STXBP2: variants seen among roughly 807,000 people sequenced by gnomAD.
STXBP2 encodes the protein syntaxin binding protein 2, also known as syntaxin-binding protein 2.
STXBP2 carries 47 observed loss-of-function variants against 72.2 expected under a neutral mutation model. The ratio of observed to expected loss-of-function variants is 0.65; its 90% CI spans 0.51 to 0.83. STXBP2 has a LOEUF of 0.83. STXBP2 is among the 40% of genes least tolerant of loss of function. STXBP2 has a pLI of 0.00. For synonymous variants in STXBP2, 367 were observed against 338.7 expected, an observed-to-expected ratio of 1.08 and a Z score of -0.92; for missense variants, 702 against 807.6, an observed-to-expected ratio of 0.87 and a Z score of 1.58.
At position 7,641,648 on chromosome 19, in the gene STXBP2, G is replaced by C. The variant is rs544584129; in HGVS notation, c.430-57G>C. On this transcript the variant is annotated intron_variant, in intron 6 of 18. Transcript: ENST00000221283. ...GGTGCAGGTGGCGGCAGCGGGAAGC[G>C]GGGCAGGTGTGCACCTGCAGCGGCA... The C allele has an allele frequency of 1.8e-4, 282 of 1,548,658 alleles. 1 individual carries two copies. In the African/African-American group the frequency reaches 3.5e-3, roughly 19 times the overall value.
intron 6 of STXBP2, 107 bp downstream of exon 6, chr19:7,641,110 A>G: frequency 8.3e-7 from 1 of 1,201,818 alleles, no homozygotes; most frequent in Non-Finnish European, 1.2e-6. Context: ...CATACCTGTA[A>G]TCCCAGCGCT....
At chr19:7,631,402 G>GC in the STXBP2 span, 1 of 1,110,782 alleles carries the variant, frequency 9.0e-7, no homozygotes, top group African/African-American at 1.6e-5. Flanking sequence ...AGGTGGGCGG[G>GC]GGGGGGTGGT....
chr19:7,640,381 TCA>T (rs1162340494), intron 4 of STXBP2: 7 of 582,030 alleles, frequency 1.2e-5, no homozygotes, highest in Admixed American at 4.7e-5. Flanking sequence ...TGTGTGCGCA[TCA>T]GTGTCTGCAT....
rs754563534 is a variant in STXBP2 at position 7,639,870 on chromosome 19, ATGTC to A, written c.246+66_246+69del. On this transcript the variant is annotated intron_variant, in intron 4 of 18. Coordinates refer to ENST00000221283, the MANE Select transcript of STXBP2 (RefSeq NM_006949.4). ...TGCGTGTACATGTGCATGTGTGTGT[ATGTC>A]TGCATGCATGTGATTGCATGTGTGC... The A allele has an allele frequency of 2.3e-4, 353 of 1,521,880 alleles. 1 individual carries two copies. The highest frequency in any genetic ancestry group is 2.6e-4 in the Non-Finnish European group (293 of 1,118,672). The allele number at this position is 1,521,880 out of a possible 1,614,324, so 94.3% of individuals were successfully genotyped here.
intron 4 of STXBP2, 119 bp from the exon 5 acceptor site, chr19:7,640,612 C>A: frequency 7.5e-7 from 1 of 1,324,842 alleles, no homozygotes; most frequent in East Asian, 2.4e-5. Flanking sequence ...TGCACATATA[C>A]ATGTCCCCGT....
rs1394985748 is a variant in STXBP2 at position 7,646,437 on chromosome 19, G to A, written c.1452+93G>A. 7 of 1,192,454 alleles carry A rather than the reference G, an allele frequency of 5.9e-6. No homozygotes were observed. The African/African-American group carries it at 1.1e-4, about 18-fold the overall frequency. The allele number at this position is 1,192,454 out of a possible 1,614,324, so 73.9% of individuals were successfully genotyped here. ...CTGAGGTGCTAAGCCTCAGGGCTTA[G>A]GGGAAAATGCTCATTGCTGGCATTC... On this transcript the variant is annotated intron_variant, in intron 16 of 18. Transcript: ENST00000221283.
upstream of STXBP2, chr19:7,632,637 A>G (rs551692408): frequency 6.3e-5 from 99 of 1,570,170 alleles, no homozygotes; most frequent in African/African-American, 1.2e-3. This position sits in a 1 kb window ranked among gnomAD's most constrained non-coding sequence, Gnocchi z 5.2. Context: ...CCGTGCCCCC[A>G]GGCCCTCCAG....
Position 7,645,229 on chromosome 19 carries a change from C to G in STXBP2, c.1279C>G (p.Gln427Glu). 1 of 1,573,962 alleles carries G rather than the reference C, an allele frequency of 6.4e-7. No individual in the cohort carries two copies. The highest frequency in any genetic ancestry group is 8.6e-7 in the Non-Finnish European group (1 of 1,158,538). Reference protein sequence around the residue: ...VSEENLAKLIQHANVQAHSSL... With the variant: ...VSEENLAKLIEHANVQAHSSL... ...TGAGGAGAACCTGGCCAAGCTGATCCAGCATGCCAATGTACAGGCGCACAG... is the reference window on the plus strand; with the variant it reads ...TGAGGAGAACCTGGCCAAGCTGATCGAGCATGCCAATGTACAGGCGCACAG... Residue 427 changes from glutamine (Q) to glutamate (E), a missense_variant, in exon 15 of 19, where the codon CAG becomes GAG. By Grantham distance (29) the Gln-to-Glu change is conservative. Transcript: ENST00000221283.
the STXBP2 span, chr19:7,631,494 A>C: frequency 6.5e-7 from 1 of 1,536,516 alleles, no homozygotes; most frequent in Admixed American, 2.0e-5. Context: ...AGAGGAATTC[A>C]AAGAGAGGTT....
At chr19:7,637,068 C>T (rs1568461899), upstream of STXBP2, 2 of 1,220,992 alleles carry the variant, frequency 1.6e-6, no homozygotes, top group Non-Finnish European at 2.0e-6. Context: ...GCCCGCGGGG[C>T]GGGGTCCACG....
the STXBP2 span, chr19:7,631,726 CGACGGAAG>C: frequency 2.8e-6 from 4 of 1,438,990 alleles, no homozygotes; most frequent in Non-Finnish European, 3.7e-6. Flanking sequence ...GCTGCTGTTC[CGACGGAAG>C]CCGAGAGCGG....
chr19:7,643,324 G>A, intron 13 of STXBP2, 79 bp downstream of exon 13: 1 of 1,427,592 alleles, frequency 7.0e-7, no homozygotes, highest in Admixed American at 1.9e-5. Context: ...CTGTAGAGAT[G>A]GGGGGTTCTG....
intron 14 of STXBP2, 32 bp downstream of exon 14, chr19:7,644,784 C>T: frequency 1.9e-6 from 3 of 1,613,158 alleles, no homozygotes; most frequent in Non-Finnish European, 1.7e-6. Context: ...TTGGAACGTC[C>T]CCATTTGCCA....
rs897599237 is a variant in STXBP2, at chr19:7,647,641, C to T, written c.1697-84C>T. 12 of 1,595,214 alleles carry T rather than the reference C, an allele frequency of 7.5e-6. No homozygotes were observed. The African/African-American group carries it at 1.5e-4, about 20-fold the overall frequency. Reference sequence around the variant, plus strand: ...CTGGTTTGCTGAGGGACAGGGACAGCCCCACACCAGCCGGGACCGGGAGCC... The same window carrying T: ...CTGGTTTGCTGAGGGACAGGGACAGTCCCACACCAGCCGGGACCGGGAGCC... On this transcript the variant is annotated intron_variant, in intron 18 of 18. Transcript: ENST00000221283.
chr19:7,640,383 A>G (rs1454977273), intron 4 of STXBP2: 7 of 549,904 alleles, frequency 1.3e-5, no homozygotes, highest in Non-Finnish European at 2.0e-5. Flanking sequence ...TGTGCGCATC[A>G]GTGTCTGCAT....
chr19:7,640,541 T>TGC, intron 4 of STXBP2, 190 bp from the exon 5 acceptor site: 1 of 708,282 alleles, frequency 1.4e-6, no homozygotes, highest in Admixed American at 2.0e-5. Flanking sequence ...TATGTGTGTG[T>TGC]GCGTGCGTGC....
chr19:7,646,149 C>A, intron 15 of STXBP2, 100 bp from the exon 16 acceptor site: 1 of 930,308 alleles, frequency 1.1e-6, no homozygotes, highest in Non-Finnish European at 1.7e-6. Flanking sequence ...CCCATCTTTG[C>A]CTGCCATCCC....
upstream of STXBP2, among the ~76,000 whole-genome samples, chr19:7,634,680 T>G (rs548323613): frequency 6.6e-6 from 1 of 152,262 alleles, no homozygotes; most frequent in Admixed American, 6.5e-5. Flanking sequence ...TTTAAAATTT[T>G]TTTTTAACAA....
upstream of STXBP2, among the ~76,000 whole-genome samples, chr19:7,634,851 T>C (rs929677155): frequency 1.3e-5 from 2 of 152,174 alleles, no homozygotes; most frequent in African/African-American, 4.8e-5. Context: ...CTGCAGCTCT[T>C]CACTCCCTGC....
Sources: allele counts gnomAD v4.1 joint callset (sites outside exome capture counted in the v4.1 genomes callset), GRCh38; gene constraint gnomAD v4.1.1; non-coding constraint Gnocchi (gnomAD v3.1); transcripts MANE v1.5; gene names NCBI Gene and HGNC (gene_info 2026-07-23, HGNC 2026-07-21).